Variants in PCDHA8 observed in about 807,000 individuals in gnomAD.
PCDHA8 encodes the protein protocadherin alpha-8.
A neutral mutation model predicts 61.8 loss-of-function variants in PCDHA8; 53 were observed. The observed-to-expected ratio is 0.86, with a 90% confidence interval of 0.69 to 1.08. PCDHA8 has a LOEUF of 1.08. Among genes scored for constraint, PCDHA8 ranks in the 50% least tolerant of loss-of-function variants. PCDHA8 has a pLI of 0.00. For missense variants in PCDHA8, 1,293 were observed against 1,245.0 expected (o/e 1.04, Z -0.58); for synonymous variants, 618 against 556.6 (o/e 1.11, Z -1.55).
At chr5:140,924,484 A>G (rs1198741385) in intron 1 of PCDHA8, among the ~76,000 whole-genome samples, 1 of 152,184 alleles carries the variant, frequency 6.6e-6, no homozygotes, top group Non-Finnish European at 1.5e-5. Flanking sequence ...TTTTAGTGGA[A>G]CACTGGCATT....
At chr5:140,984,371 C>T (rs2097099528) in intron 3 of PCDHA8, among the ~76,000 whole-genome samples, 1 of 152,150 alleles carries the variant, frequency 6.6e-6, no homozygotes, top group African/African-American at 2.4e-5. Flanking sequence ...TGGCCAAGTC[C>T]CTCTTTCAGA....
At position 140,842,609 on chromosome 5, in the gene PCDHA8, G is replaced by C. The variant is rs534936483; in HGVS notation, c.1288G>C (p.Gly430Arg). ...AYELVVTARDGGSPSLWATAS... is the reference protein window; with the variant it reads ...AYELVVTARDRGSPSLWATAS... The stretch of plus-strand genomic sequence containing the variant: ...TGAGTTGGTGGTAACCGCGCGGGAC[G>C]GGGGCTCGCCTTCGCTGTGGGCCAC... Residue 430 changes from glycine (G) to arginine (R), a missense_variant, in exon 1 of 4, where the codon GGG (glycine) becomes CGG (arginine). Physicochemically the swap from Gly to Arg is moderately radical, Grantham distance 125 (BLOSUM62 -2). Coordinates refer to ENST00000531613, the MANE Select transcript of PCDHA8 (RefSeq NM_018911.3). 11 of 1,595,750 alleles carry C rather than the reference G, an allele frequency of 6.9e-6. 2 individuals are homozygous for C. Among genetic ancestry groups the C allele is most frequent in the Non-Finnish European group, 7.7e-6 (9 of 1,165,644 alleles).
intron 1 of PCDHA8, chr5:140,850,018 T>A: frequency 1.3e-6 from 2 of 1,596,890 alleles, no homozygotes; most frequent in Non-Finnish European, 1.7e-6. Context: ...TCGAGCTACG[T>A]GTCAGTGCAC....
intron 1 of PCDHA8, among the ~76,000 whole-genome samples, chr5:140,970,348 T>A (rs2096398928): frequency 6.6e-6 from 1 of 152,186 alleles, no homozygotes; most frequent in Admixed American, 6.5e-5. Context: ...ATTTTCTGGA[T>A]CTAAAATTTG....
chr5:140,968,798 G>A, intron 1 of PCDHA8: 3 of 1,614,232 alleles, frequency 1.9e-6, no homozygotes, highest in Non-Finnish European at 2.5e-6. Context: ...GGCCATTACA[G>A]TAGCTGTGGT....
chr5:140,929,539 G>A (rs155821), intron 1 of PCDHA8: 194,060 of 591,620 alleles, frequency 0.33, 32,601 homozygotes, highest in East Asian at 0.49. Flanking sequence ...TGAGAAACAA[G>A]GGCAAAAATT....
At chr5:140,892,144 G>A (rs549500463) in intron 1 of PCDHA8, among the ~76,000 whole-genome samples, 45 of 152,220 alleles carry the variant, frequency 3.0e-4, no homozygotes, top group African/African-American at 1.1e-3. Context: ...TGGTTTTAGC[G>A]TCTATTTCTG....
At chr5:140,863,676 C>A (rs1403210762) in intron 1 of PCDHA8, 1 of 292,478 alleles carries the variant, frequency 3.4e-6, no homozygotes, top group Non-Finnish European at 6.7e-6. Context: ...TTTGCTTTTG[C>A]TTTTTCTTTT....
In PCDHA8 at chr5:140,936,771, C is replaced by A. The variant is rs182480245; in HGVS notation, c.2395-42178C>A. Among the ~76,000 whole-genome samples, 20 of 152,230 alleles carry A rather than the reference C, an allele frequency of 1.3e-4. No individual in the cohort carries two copies. In the East Asian group the frequency reaches 3.5e-3, roughly 26 times the overall value. On this transcript the variant is annotated intron_variant, in intron 1 of 3. Coordinates refer to ENST00000531613, the MANE Select transcript of PCDHA8 (RefSeq NM_018911.3). ...GTATTGATATCTAATTGTGTAAGTT[C>A]TCTCACTTTGTTATTCTGCTTCAAG...
intron 1 of PCDHA8, chr5:140,927,232 G>A (rs1554204208): frequency 6.2e-7 from 1 of 1,614,104 alleles, no homozygotes; most frequent in African/African-American, 1.3e-5. Flanking sequence ...TCGGATTCAC[G>A]TCCTGGACAC....
chr5:141,009,303 T>A (rs1040786824), intron 3 of PCDHA8, among the ~76,000 whole-genome samples: 16 of 152,050 alleles, frequency 1.1e-4, no homozygotes, highest in East Asian at 1.9e-4. Flanking sequence ...AAATTTTTTT[T>A]AAAAAGCTAG....
At chr5:140,962,716 G>A (rs1268660102) in intron 1 of PCDHA8, among the ~76,000 whole-genome samples, 2 of 152,304 alleles carry the variant, frequency 1.3e-5, no homozygotes, top group East Asian at 3.9e-4. Context: ...ATATTGGAAA[G>A]TATTTTCCTT....
At chr5:140,905,669 A>G (rs781948009) in intron 1 of PCDHA8, among the ~76,000 whole-genome samples, 11 of 152,228 alleles carry the variant, frequency 7.2e-5, no homozygotes, top group Admixed American at 2.0e-4. Flanking sequence ...ATCCATTAAC[A>G]TGGAACATAT....
chr5:140,988,864 C>T (rs1017144453), intron 3 of PCDHA8: 2 of 152,190 alleles, frequency 1.3e-5, no homozygotes, highest in Non-Finnish European at 2.9e-5. Flanking sequence ...GTCTCATGTG[C>T]ACTCAGATGT....
At chr5:140,850,907 T>A (rs2150501889) in intron 1 of PCDHA8, 1 of 1,548,270 alleles carries the variant, frequency 6.5e-7, no homozygotes, top group East Asian at 2.3e-5. Flanking sequence ...TTTCTAGCAT[T>A]TTATTTATTT....
At chr5:140,870,122 T>G in intron 1 of PCDHA8, 1 of 1,613,956 alleles carries the variant, frequency 6.2e-7, no homozygotes. Flanking sequence ...GTGGAAATCT[T>G]GGACACCAAC....
intron 1 of PCDHA8, among the ~76,000 whole-genome samples, chr5:140,975,784 A>T (rs1216156931): frequency 1.3e-5 from 2 of 151,914 alleles, no homozygotes; most frequent in African/African-American, 4.8e-5. Flanking sequence ...CCATTACAAG[A>T]TAAATTAAAT....
At chr5:140,922,430 A>G (rs574413053) in intron 1 of PCDHA8, among the ~76,000 whole-genome samples, 6 of 152,246 alleles carry the variant, frequency 3.9e-5, no homozygotes, top group Non-Finnish European at 7.3e-5. Context: ...GGCTGAGGGC[A>G]GAACTCTCTC....
chr5:140,881,456 T>C, intron 1 of PCDHA8: 1 of 690,256 alleles, frequency 1.4e-6, no homozygotes, highest in Non-Finnish European at 1.8e-6. Context: ...TCCAAAACCT[T>C]AGAGCATTGT....
Sources: gnomAD v4.1 joint callset for allele counts (sites outside exome capture counted in the v4.1 genomes callset) on GRCh38, gnomAD v4.1.1 for gene constraint, MANE v1.5 for transcripts, NCBI Gene and HGNC (gene_info 2026-07-23, HGNC 2026-07-21) for gene names.